ZNF585B: variants seen among roughly 807,000 people sequenced by gnomAD.
The protein encoded by ZNF585B is zinc finger protein 585B.
A neutral mutation model predicts 14.0 loss-of-function variants in ZNF585B; 7 were observed. That is an observed-to-expected ratio of 0.50 (90% CI 0.28 to 0.94). ZNF585B has a LOEUF of 0.94. Among genes scored for constraint, ZNF585B ranks in the 40% least tolerant of loss-of-function variants. The probability of loss-of-function intolerance (pLI) is 0.09; values close to 1 mark genes in which losing one functional copy is unlikely to be tolerated. For missense variants in ZNF585B, 750 were observed against 924.4 expected (o/e 0.81, Z 2.45); for synonymous variants, 290 against 317.3 (o/e 0.91, Z 0.91).
chr19:37,207,284 A>C, intron 1 of ZNF585B, 30 bp from the exon 2 acceptor site: 1 of 1,412,004 alleles, frequency 7.1e-7, no homozygotes, highest in Non-Finnish European at 9.3e-7. Context: ...GTAGTCATTC[A>C]ACATTCACTA....
chr19:37,202,931 C>A (rs942173668), intron 2 of ZNF585B, among the ~76,000 whole-genome samples: 4 of 152,222 alleles, frequency 2.6e-5, no homozygotes, highest in Admixed American at 1.3e-4. Context: ...GCATGAGCCA[C>A]CACGCCCAGC....
At position 37,190,190 on chromosome 19, in the gene ZNF585B, T is replaced by C. The variant is rs747544854; in HGVS notation, c.73-40A>G. ...TCCTGTTCAATGTGCATAGTCAGCT[T>C]TGCACGGTGGAGTGACTATATATGG... On this transcript the variant is annotated intron_variant, in intron 2 of 4. Transcript: ENST00000532828. 21 of 1,612,922 alleles carry C rather than the reference T, an allele frequency of 1.3e-5. 1 individual carries two copies. In the South Asian group the frequency reaches 2.1e-4, roughly 16 times the overall value.
At chr19:37,203,378 G>A (rs1054003808) in intron 2 of ZNF585B, among the ~76,000 whole-genome samples, 3 of 151,196 alleles carry the variant, frequency 2.0e-5, no homozygotes, top group Non-Finnish European at 4.4e-5. Flanking sequence ...TAGGAGGGAG[G>A]CTGAGGCAGG....
intron 2 of ZNF585B, among the ~76,000 whole-genome samples, chr19:37,203,526 T>C (rs2145444805): frequency 6.6e-6 from 1 of 151,526 alleles, no homozygotes; most frequent in South Asian, 2.1e-4. Context: ...CTATTTTGCG[T>C]TGTGGTAAAA....
chr19:37,190,194 A>G (rs1205431610), intron 2 of ZNF585B, 44 bp from the exon 3 acceptor site: 13 of 1,612,400 alleles, frequency 8.1e-6, no homozygotes, highest in Non-Finnish European at 7.6e-6. Context: ...TCAGCTTTGC[A>G]CGGTGGAGTG....
At position 37,190,040 on chromosome 19, in the gene ZNF585B, G is replaced by T. The variant is rs960575309; in HGVS notation, c.183C>A (p.Ser61Arg). ...LYRDVMLETY[S>R]HLLSVGYQVP... ...TGTGCTTACCTACTGAGAGCAGGTG[G>T]CTGTAGGTCTCCAGCATCACATCCC... The change falls in exon 3 of 5, where the codon AGC becomes AGA. Residue 61 changes from serine (S) to arginine (R), a missense_variant. This residue lies in a region of ZNF585B where 517 missense variants were observed against 570.3 expected (regional missense o/e 0.91). Transcript: ENST00000532828. 6.2e-7 allele frequency: 1 copy of T among 1,614,088 alleles called. No homozygotes were observed. Among genetic ancestry groups the T allele is most frequent in the African/African-American group, 1.3e-5 (1 of 75,014 alleles).
intron 2 of ZNF585B, among the ~76,000 whole-genome samples, chr19:37,204,944 C>T (rs1972570559): frequency 6.6e-6 from 1 of 151,952 alleles, no homozygotes; most frequent in African/African-American, 2.4e-5. Flanking sequence ...GACGGGGCGT[C>T]ACCATGTTGG....
chr19:37,205,773 G>A (rs984725548), intron 2 of ZNF585B, among the ~76,000 whole-genome samples: 1 of 152,024 alleles, frequency 6.6e-6, no homozygotes, highest in Non-Finnish European at 1.5e-5. Context: ...ATCTTCAGAT[G>A]GATAAGAAAT....
At chr19:37,200,616 G>A (rs1221634695) in intron 2 of ZNF585B, among the ~76,000 whole-genome samples, 2 of 149,324 alleles carry the variant, frequency 1.3e-5, no homozygotes, top group Non-Finnish European at 3.0e-5. Flanking sequence ...ATGGAAATAA[G>A]GAGTTTCAAA....
intron 1 of ZNF585B, among the ~76,000 whole-genome samples, chr19:37,209,863 C>A (rs1490492528): frequency 6.6e-6 from 1 of 151,570 alleles, no homozygotes; most frequent in African/African-American, 2.4e-5. Context: ...CTACAGGCGC[C>A]CGCCACCACG....
Position 37,186,768 on chromosome 19 carries a change from G to C in ZNF585B, c.769C>G (p.Leu257Val), listed in dbSNP as rs944746146. ...CGKAFTQKSTLKIHQKIHTGE... is the reference protein window; with the variant it reads ...CGKAFTQKSTVKIHQKIHTGE... The stretch of plus-strand genomic sequence containing the variant: ...GTATGGATTTTCTGATGAATCTTGA[G>C]TGTGGACTTTTGTGTGAACGCTTTG... The change falls in exon 5 of 5, where the codon CTC (leucine) becomes GTC (valine). Residue 257 changes from leucine to valine, a missense_variant. Coordinates refer to ENST00000532828, the MANE Select transcript of ZNF585B (RefSeq NM_152279.4). The C allele has an allele frequency of 6.2e-7, 1 of 1,614,044 alleles. No individual in the cohort carries two copies. The highest frequency in any genetic ancestry group is 8.5e-7 in the Non-Finnish European group (1 of 1,180,038).
chr19:37,205,023 T>C (rs561561440), intron 2 of ZNF585B, among the ~76,000 whole-genome samples: 2 of 152,264 alleles, frequency 1.3e-5, no homozygotes, highest in East Asian at 3.9e-4. Flanking sequence ...GCTGGGATTA[T>C]AAGTGTGAGC....
chr19:37,185,187 C>T lies in ZNF585B; in HGVS notation c.*40G>A. 6.4e-7 allele frequency: 1 copy of T among 1,562,830 alleles called. No individual in the cohort carries two copies. The highest frequency in any genetic ancestry group is 8.7e-7 in the Non-Finnish European group (1 of 1,153,944). On this transcript the variant is annotated 3_prime_UTR_variant, in exon 5 of 5. Coordinates refer to ENST00000532828, the MANE Select transcript of ZNF585B (RefSeq NM_152279.4). ...CTGCATGCGTGCAACAGTGTACAAT[C>T]AGACCCAACCCTCAGGGGGGTTTTC...
intron 1 of ZNF585B, among the ~76,000 whole-genome samples, chr19:37,208,406 C>T (rs1972609864): frequency 6.6e-6 from 1 of 151,954 alleles, no homozygotes; most frequent in Admixed American, 6.6e-5. Context: ...TGATAAGGAT[C>T]TTATTACACA....
chr19:37,188,811 T>C (rs1972367893), intron 4 of ZNF585B, among the ~76,000 whole-genome samples: 1 of 152,122 alleles, frequency 6.6e-6, no homozygotes, highest in Non-Finnish European at 1.5e-5. Context: ...TTCCCAAAGA[T>C]TAAGTGACAA....
At chr19:37,188,911 G>C (rs1483247252) in intron 4 of ZNF585B, among the ~76,000 whole-genome samples, 1 of 151,914 alleles carries the variant, frequency 6.6e-6, no homozygotes, top group African/African-American at 2.4e-5. Flanking sequence ...AAAATAGTTA[G>C]AGAGCCTGAC....
At position 37,185,863 on chromosome 19, in the gene ZNF585B, G is replaced by T; in HGVS notation, c.1674C>A (p.Ala558=). 4 of 1,613,528 alleles carry T rather than the reference G, an allele frequency of 2.5e-6. No individual in the cohort carries two copies. The highest frequency in any genetic ancestry group is 3.4e-6 in the Non-Finnish European group (4 of 1,179,912). Residue 558 remains alanine, a synonymous_variant, in exon 5 of 5, where the codon GCC becomes GCA. Transcript: ENST00000532828. ...RQYECHECGK[A]FNQKSILIVH... Reference sequence around the variant, plus strand: ...CAATGAGTATTGATTTCTGGTTGAAGGCTTTCCCACATTCGTGGCATTCAT... The same window carrying T: ...CAATGAGTATTGATTTCTGGTTGAATGCTTTCCCACATTCGTGGCATTCAT...
intron 2 of ZNF585B, among the ~76,000 whole-genome samples, chr19:37,195,010 G>A (rs1445511731): frequency 6.6e-6 from 1 of 152,056 alleles, no homozygotes. Flanking sequence ...ACAGTTAAAT[G>A]ACCTATAGGT....
Position 37,185,968 on chromosome 19 carries a change from T to C in ZNF585B, c.1569A>G (p.Glu523=), listed in dbSNP as rs1972328503. Residue 523 remains glutamate (E), a synonymous_variant, in exon 5 of 5, where the codon GAA becomes GAG. Transcript: ENST00000532828. ...QRIHTGEKPY[E]CNTCGKAFTQ... is the part of the protein sequence containing the mutation. ...TAAAGGCTTTTCCACAAGTATTGCA[T>C]TCATAAGGCTTCTCCCCAGTATGGA... 3 of 1,613,850 alleles carry C rather than the reference T, an allele frequency of 1.9e-6. No individual in the cohort carries two copies. Among genetic ancestry groups the C allele is most frequent in the Non-Finnish European group, 2.5e-6 (3 of 1,180,016 alleles).
Sources: allele counts gnomAD v4.1 joint callset (sites outside exome capture counted in the v4.1 genomes callset), GRCh38; gene constraint gnomAD v4.1.1; regional missense constraint gnomAD v4.1.1; transcripts MANE v1.5; gene names NCBI Gene and HGNC (gene_info 2026-07-23, HGNC 2026-07-21).